Variants in CELF2 observed in about 807,000 individuals in gnomAD.
CELF2 encodes the protein CUGBP Elav-like family member 2, also known as CUG triplet repeat RNA-binding protein 2.
CELF2 carries 8 observed loss-of-function variants against 62.6 expected under a neutral mutation model. That is an observed-to-expected ratio of 0.13 (90% CI 0.07 to 0.23). The LOEUF (loss-of-function observed/expected upper bound fraction) is 0.23. Among genes scored for constraint, CELF2 ranks in the 10% least tolerant of loss-of-function variants. The pLI, the probability that CELF2 is intolerant of heterozygous loss-of-function variation, is 1.00. For missense variants in CELF2, 333 were observed against 671.0 expected (o/e 0.50, Z 5.56); for synonymous variants, 258 against 250.0 (o/e 1.03, Z -0.30).
chr10:11,021,254 A>G (rs2058272661), intron 1 of CELF2, among the ~76,000 whole-genome samples: 3 of 152,254 alleles, frequency 2.0e-5, no homozygotes, highest in African/African-American at 7.2e-5. Flanking sequence ...CACTGAGAAG[A>G]GTCTACCAAT....
the CELF2 span, among the ~76,000 whole-genome samples, chr10:10,585,009 A>G: frequency 1.1e-4 from 16 of 152,182 alleles, no homozygotes; most frequent in African/African-American, 3.9e-4. Flanking sequence ...AAATTACAGC[A>G]AGGATATAGC....
At chr10:10,857,682 T>TATATATATATATATATATATATATA (rs59587498) in intron 1 of CELF2, among the ~76,000 whole-genome samples, 3 of 135,708 alleles carry the variant, frequency 2.2e-5, no homozygotes, top group Non-Finnish European at 3.1e-5. Context: ...TATATATATA[T>TATATATATATATATATATATATATA]TTTACCTCAA....
Position 11,318,809 on chromosome 10 carries a change from A to G in CELF2, c.1097-2380A>G. On this transcript the variant is annotated intron_variant, in intron 10 of 12. Transcript: ENST00000633077. This position sits in a 1 kb window ranked among gnomAD's most constrained non-coding sequence, Gnocchi z 5.4. Reference sequence around the variant, plus strand: ...GAGTTGGGTCCCAGTGACCACTGCCATAAAATGCCACCTGTGTATCTGGCA... The same window carrying G: ...GAGTTGGGTCCCAGTGACCACTGCCGTAAAATGCCACCTGTGTATCTGGCA... The G allele has an allele frequency of 2.1e-6, 1 of 471,352 alleles. No individual in the cohort carries two copies. Among genetic ancestry groups the G allele is most frequent in the Non-Finnish European group, 4.4e-6 (1 of 227,090 alleles). The allele number at this position is 471,352 out of a possible 1,614,324, so 29.2% of individuals were successfully genotyped here.
chr10:10,812,098 T>C (rs2131745596), intron 1 of CELF2, among the ~76,000 whole-genome samples: 1 of 152,312 alleles, frequency 6.6e-6, no homozygotes, highest in African/African-American at 2.4e-5. Flanking sequence ...CATTTTCATG[T>C]TGCTGACCAA....
rs2062872734 is a variant in CELF2, at chr10:11,214,812, G to A, written c.272-2613G>A. On this transcript the variant is annotated intron_variant, in intron 2 of 12. Transcript: ENST00000633077. This position sits in a 1 kb window ranked among gnomAD's most constrained non-coding sequence, Gnocchi z 4.2. ...TAAGAACTATGCATAGTTGGAAGAG[G>A]ATCTGTAGTGATAAGTGACTGACTT... Among the ~76,000 whole-genome samples, 1 of 152,244 alleles carries A rather than the reference G, an allele frequency of 6.6e-6. No individual in the cohort carries two copies. Among genetic ancestry groups the A allele is most frequent in the Admixed American group, 6.5e-5 (1 of 15,292 alleles).
chr10:10,643,042 C>A, the CELF2 span, among the ~76,000 whole-genome samples: 1 of 152,260 alleles, frequency 6.6e-6, no homozygotes, highest in Non-Finnish European at 1.5e-5. Flanking sequence ...TAAGAAAGTT[C>A]TGTTGAAATG....
At chr10:10,962,507 G>T (rs2049630170) in intron 2 of CELF2, among the ~76,000 whole-genome samples, 1 of 152,214 alleles carries the variant, frequency 6.6e-6, no homozygotes, top group African/African-American at 2.4e-5. Flanking sequence ...GTAAGTGCTT[G>T]AGGCCAGGAG....
Position 11,165,143 on chromosome 10 carries a change from G to C in CELF2, c.75-343G>C. On this transcript the variant is annotated intron_variant, in intron 1 of 12. Coordinates refer to ENST00000633077, the MANE Select transcript of CELF2 (RefSeq NM_001326342.2). This position sits in a 1 kb window ranked among gnomAD's most constrained non-coding sequence, Gnocchi z 7.4. ...AGGGTAGGGCTGATAAGGCGCTGAT[G>C]CGTTGATGGCAGCCTTGCAGAGCTA... The C allele has an allele frequency of 9.3e-7, 1 of 1,073,818 alleles. No individual in the cohort carries two copies. Among genetic ancestry groups the C allele is most frequent in the Non-Finnish European group, 1.1e-6 (1 of 884,170 alleles). The allele number at this position is 1,073,818 out of a possible 1,614,324, so 66.5% of individuals were successfully genotyped here.
intron 2 of CELF2, chr10:10,927,334 A>C (rs1427125084): frequency 7.9e-6 from 1 of 126,720 alleles, no homozygotes; most frequent in African/African-American, 3.2e-5. Context: ...TCAAAGGAGA[A>C]CCTAGTGACA....
Position 11,035,486 on chromosome 10 carries a change from G to A in CELF2, c.74+17323G>A, listed in dbSNP as rs73571699. Reference sequence around the variant, plus strand: ...ATGCTTCAGATGACTCAGCCAAAGCGTGACCACAGCCAGGAAATGATCTGA... The same window carrying A: ...ATGCTTCAGATGACTCAGCCAAAGCATGACCACAGCCAGGAAATGATCTGA... On this transcript the variant is annotated intron_variant, in intron 1 of 12. Coordinates refer to ENST00000633077, the MANE Select transcript of CELF2 (RefSeq NM_001326342.2). Among the ~76,000 whole-genome samples, 1,115 of 152,302 alleles carry A rather than the reference G, an allele frequency of 7.3e-3. 17 individuals are homozygous for A. The highest frequency in any genetic ancestry group is 0.025 in the African/African-American group (1,030 of 41,566).
chr10:10,704,844 C>G, the CELF2 span, among the ~76,000 whole-genome samples: 1 of 151,992 alleles, frequency 6.6e-6, no homozygotes, highest in African/African-American at 2.4e-5. Context: ...AATGCTCACC[C>G]ACCCCATCCC....
intron 1 of CELF2, among the ~76,000 whole-genome samples, chr10:10,819,830 GACTTT>G (rs1285188358): frequency 6.6e-6 from 1 of 152,068 alleles, no homozygotes; most frequent in Middle Eastern, 3.2e-3. Flanking sequence ...AACTGTCTCA[GACTTT>G]ACAGTTTCAT....
chr10:10,949,085 T>A (rs961090717), intron 2 of CELF2, among the ~76,000 whole-genome samples: 5 of 152,114 alleles, frequency 3.3e-5, no homozygotes, highest in South Asian at 2.1e-4. Flanking sequence ...GGGGACCATC[T>A]CTGAGAGAGA....
chr10:10,489,903 G>T, the CELF2 span, among the ~76,000 whole-genome samples: 1 of 151,684 alleles, frequency 6.6e-6, no homozygotes, highest in Non-Finnish European at 1.5e-5. Flanking sequence ...GTACAGGTTT[G>T]GGGGGAGGGT....
the CELF2 span, among the ~76,000 whole-genome samples, chr10:10,519,540 A>G: frequency 3.9e-5 from 6 of 152,216 alleles, no homozygotes; most frequent in Non-Finnish European, 5.9e-5. Flanking sequence ...TAGTCCTGAC[A>G]GATGTATCCT....
chr10:11,188,192 G>A (rs932367962), intron 2 of CELF2, among the ~76,000 whole-genome samples: 5 of 152,110 alleles, frequency 3.3e-5, no homozygotes, highest in Admixed American at 1.3e-4. Context: ...CGCAACCTCC[G>A]CCTCCTGGGT....
At chr10:10,852,137 A>G (rs2059418996) in intron 1 of CELF2, among the ~76,000 whole-genome samples, 1 of 152,236 alleles carries the variant, frequency 6.6e-6, no homozygotes, top group South Asian at 2.1e-4. Flanking sequence ...TTCTATACAA[A>G]TATGTATATA....
the CELF2 span, among the ~76,000 whole-genome samples, chr10:10,544,874 A>G: frequency 1.3e-5 from 2 of 152,210 alleles, no homozygotes; most frequent in African/African-American, 4.8e-5. Context: ...TCACTCCCGA[A>G]TTTGATATTC....
chr10:10,577,751 G>A, the CELF2 span, among the ~76,000 whole-genome samples: 1 of 152,012 alleles, frequency 6.6e-6, no homozygotes, highest in Non-Finnish European at 1.5e-5. Context: ...TCTTAATCCA[G>A]TCTATCATTC....
Sources: gnomAD v4.1 joint callset for allele counts (sites outside exome capture counted in the v4.1 genomes callset) on GRCh38, gnomAD v4.1.1 for gene constraint, Gnocchi (gnomAD v3.1) non-coding constraint, MANE v1.5 for transcripts, NCBI Gene and HGNC (gene_info 2026-07-23, HGNC 2026-07-21) for gene names.